SLC22A25: variants seen among roughly 807,000 people sequenced by gnomAD.
The protein encoded by SLC22A25 is solute carrier family 22 member 25, also known as MGI:2442751, MGI:2385316, MGI:3042283, MGI:3645714, MGI:3605624, MGI:2442750.
SLC22A25 carries 44 observed loss-of-function variants against 45.9 expected under a neutral mutation model. The ratio of observed to expected loss-of-function variants is 0.96; its 90% confidence interval spans 0.75 to 1.23. The LOEUF is 1.23. Ranked by LOEUF, SLC22A25 falls within the 50% of genes most tolerant of loss-of-function variation. SLC22A25 has a pLI of 0.00. For missense variants in SLC22A25, 800 were observed against 666.4 expected, an observed-to-expected ratio of 1.20 and a Z score of -2.21; for synonymous variants, 283 against 238.6, an observed-to-expected ratio of 1.19 and a Z score of -1.72.
At chr11:63,220,153 G>T in intron 5 of SLC22A25, 1 of 470,532 alleles carries the variant, frequency 2.1e-6, no homozygotes, top group Non-Finnish European at 3.4e-6. Context: ...CTAAAAAGCT[G>T]TTTTTGCAAA....
In SLC22A25 at chr11:63,243,487, G is replaced by C. The variant is rs2090286040; in HGVS notation, c.-1049C>G. 10 of 763,132 alleles carry C rather than the reference G, an allele frequency of 1.3e-5. No homozygotes were observed. Among genetic ancestry groups the C allele is most frequent in the South Asian group, 1.2e-4 (9 of 73,962 alleles). 47.3% of individuals were successfully genotyped at this position (763,132 alleles called of 1,614,324 possible). On this transcript the variant is annotated 5_prime_UTR_variant, in exon 1 of 12. Transcript: ENST00000306494. The stretch of plus-strand genomic sequence containing the variant: ...CTTCAAAGTCCCATCTGCAACTCCT[G>C]GGTGCTGTCTGCATGTTCCTGGCCT...
intron 7 of SLC22A25, among the ~76,000 whole-genome samples, chr11:63,213,003 A>G (rs2089617853): frequency 6.6e-6 from 1 of 152,170 alleles, no homozygotes; most frequent in African/African-American, 2.4e-5. Context: ...GTGTCCAAGG[A>G]CAAGGCAAAA....
chr11:63,197,289 C>T (rs1313539577), intron 7 of SLC22A25, among the ~76,000 whole-genome samples: 2 of 152,166 alleles, frequency 1.3e-5, no homozygotes, highest in Non-Finnish European at 2.9e-5. Flanking sequence ...AAAGAGCCCA[C>T]ATTGCCAAGA....
rs1056257107 is a variant in SLC22A25 at position 63,235,549 on chromosome 11, A to AT, written c.-445+2331dup. On this transcript the variant is annotated intron_variant, in intron 3 of 11. Coordinates refer to ENST00000306494, the MANE Select transcript of SLC22A25 (RefSeq NM_199352.6). The stretch of plus-strand genomic sequence containing the variant: ...GTTATTCTAGTTATCCATTCATCTA[A>AT]TTTTTTTCAAAGTTTTTAACTTCTT... Among the ~76,000 whole-genome samples the AT allele has an allele frequency of 1.1e-3, 173 of 151,930 alleles. 2 individuals are homozygous for AT. The highest frequency in any genetic ancestry group is 9.0e-3 in the Admixed American group (138 of 15,278).
intron 7 of SLC22A25, among the ~76,000 whole-genome samples, chr11:63,190,915 C>G (rs1240217933): frequency 1.3e-5 from 2 of 152,156 alleles, no homozygotes; most frequent in African/African-American, 2.4e-5. Flanking sequence ...GAAGTTTTGT[C>G]TCAGAGGAGT....
intron 9 of SLC22A25, among the ~76,000 whole-genome samples, chr11:63,173,747 ATTCT>A (rs2087978095): frequency 6.6e-6 from 1 of 152,022 alleles, no homozygotes; most frequent in Non-Finnish European, 1.5e-5. Context: ...TCTGTGCATG[ATTCT>A]TTATTTCTGC....
Position 63,160,374 on chromosome 11 carries a change from G to T in SLC22A25, c.*3450C>A, listed in dbSNP as rs1159541620. Among the ~76,000 whole-genome samples, 1 of 152,208 alleles carries T rather than the reference G, an allele frequency of 6.6e-6. No homozygotes were observed. Among genetic ancestry groups the T allele is most frequent in the Non-Finnish European group, 1.5e-5 (1 of 68,038 alleles). ...ACAGATCAGGCTGTGGCTTCAGAGG[G>T]TGCAAGCCCCAAGCCTTGACAGCTT... On this transcript the variant is annotated 3_prime_UTR_variant, in exon 12 of 12. Transcript: ENST00000306494.
chr11:63,235,314 C>G (rs2090144927), intron 3 of SLC22A25, among the ~76,000 whole-genome samples: 1 of 152,208 alleles, frequency 6.6e-6, no homozygotes, highest in Admixed American at 6.5e-5. Context: ...TTCACATAGT[C>G]CCATATTTCT....
At chr11:63,229,011 T>A (rs937700945) in intron 4 of SLC22A25, among the ~76,000 whole-genome samples, 4 of 152,232 alleles carry the variant, frequency 2.6e-5, no homozygotes, top group Non-Finnish European at 4.4e-5. Context: ...AAATGCTTGC[T>A]TAAATTTTGG....
Position 63,232,859 on chromosome 11 carries a change from G to T in SLC22A25, c.-444-2763C>A, listed in dbSNP as rs555230036. Among the ~76,000 whole-genome samples the T allele has an allele frequency of 2.5e-4, 38 of 152,218 alleles. No individual in the cohort carries two copies. The South Asian group carries it at 7.9e-3, about 32-fold the overall frequency. Reference sequence around the variant, plus strand: ...TTAGCATGAAGTGTTGTTGCATTTTGTCAAAGGCCTTTTCTGCATCTATTG... The same window carrying T: ...TTAGCATGAAGTGTTGTTGCATTTTTTCAAAGGCCTTTTCTGCATCTATTG... On this transcript the variant is annotated intron_variant, in intron 3 of 11. Transcript: ENST00000306494.
chr11:63,164,000 T>C lies in SLC22A25; in HGVS notation c.1468A>G (p.Ser490Gly), dbSNP rs768898812. 7 of 1,613,806 alleles carry C rather than the reference T, an allele frequency of 4.3e-6. No individual in the cohort carries two copies. The Admixed American group carries it at 1.0e-4, about 23-fold the overall frequency. ...GALASLMMIL[S>G]IYSRPLPWII... Reference sequence around the variant, plus strand: ...CAGGGCAGGGGTCGAGAATATATGCTTAGGATCATCATGAGGGAAGCCAGG... The same window carrying C: ...CAGGGCAGGGGTCGAGAATATATGCCTAGGATCATCATGAGGGAAGCCAGG... Residue 490 changes from serine (S) to glycine (G), a missense_variant, in exon 12 of 12, where the codon AGC (serine) becomes GGC (glycine). By Grantham distance (56) the Ser-to-Gly change is moderately conservative (BLOSUM62 0). Coordinates refer to ENST00000306494, the MANE Select transcript of SLC22A25 (RefSeq NM_199352.6).
intron 7 of SLC22A25, among the ~76,000 whole-genome samples, chr11:63,201,811 A>G (rs1334000638): frequency 5.4e-4 from 2 of 3,672 alleles, no homozygotes; most frequent in African/African-American, 5.8e-4. Flanking sequence ...CAAAATTTCA[A>G]TAAAAAAACC....
At chr11:63,225,884 ATTCT>A (rs774968673) in intron 5 of SLC22A25, among the ~76,000 whole-genome samples, 1 of 151,844 alleles carries the variant, frequency 6.6e-6, no homozygotes, top group Non-Finnish European at 1.5e-5. Flanking sequence ...AAGCTCACTA[ATTCT>A]TTCTTCTGCT....
At chr11:63,177,824 GTATATA>G (rs1196834980) in intron 9 of SLC22A25, among the ~76,000 whole-genome samples, 2 of 136,446 alleles carry the variant, frequency 1.5e-5, no homozygotes, top group Non-Finnish European at 1.5e-5. Flanking sequence ...TATATATAAT[GTATATA>G]TATAATGTGT....
intron 9 of SLC22A25, among the ~76,000 whole-genome samples, chr11:63,169,567 G>A (rs1188409668): frequency 6.6e-6 from 1 of 152,112 alleles, no homozygotes; most frequent in African/African-American, 2.4e-5. Context: ...AGAAGACAAA[G>A]AAGGGCATTA....
intron 9 of SLC22A25, among the ~76,000 whole-genome samples, chr11:63,179,795 T>C (rs2088252722): frequency 6.6e-6 from 1 of 152,200 alleles, no homozygotes; most frequent in Admixed American, 6.6e-5. Context: ...TTCATTGCAC[T>C]GAGCTGTGTG....
rs909902720 is a variant in SLC22A25, at chr11:63,166,825, G to A, written c.1071-567C>T. 3 of 984,580 alleles carry A rather than the reference G, an allele frequency of 3.0e-6. No homozygotes were observed. In the African/African-American group the frequency reaches 5.2e-5, roughly 17 times the overall value. 61.0% of individuals were successfully genotyped at this position (984,580 alleles called of 1,614,324 possible). ...ATTTTTATATTATGTATATTTAATGGTGTCTAACTTCATTATGGTTTTATT... is the reference window on the plus strand; with the variant it reads ...ATTTTTATATTATGTATATTTAATGATGTCTAACTTCATTATGGTTTTATT... On this transcript the variant is annotated intron_variant, in intron 9 of 11. Transcript: ENST00000306494.
At chr11:63,218,391 A>G (rs577156214) in intron 5 of SLC22A25, among the ~76,000 whole-genome samples, 18 of 152,312 alleles carry the variant, frequency 1.2e-4, no homozygotes, top group Non-Finnish European at 1.9e-4. Flanking sequence ...GAAACTACCA[A>G]TTGGGTACTA....
chr11:63,230,732 T>C (rs963357946), intron 3 of SLC22A25, among the ~76,000 whole-genome samples: 1 of 152,224 alleles, frequency 6.6e-6, no homozygotes, highest in Non-Finnish European at 1.5e-5. Context: ...ACGTGTGCCA[T>C]GTTGGTGCGC....
Sources: allele counts gnomAD v4.1 joint callset (sites outside exome capture counted in the v4.1 genomes callset), GRCh38; gene constraint gnomAD v4.1.1; transcripts MANE v1.5; gene names NCBI Gene and HGNC (gene_info 2026-07-23, HGNC 2026-07-21).